The following DIS3 variants were observed in gnomAD, a reference collection of about 807,000 sequenced individuals.
DIS3 encodes DIS3 exosome endoribonuclease and 3'-5' exoribonuclease, also known as exosome complex exonuclease RRP44.
DIS3 carries 103 observed loss-of-function variants against 113.0 expected under a neutral mutation model. The observed-to-expected ratio is 0.91, with a 90% CI of 0.78 to 1.07. The LOEUF (loss-of-function observed/expected upper bound fraction) is 1.07. DIS3 is among the 50% of genes least tolerant of loss of function. The pLI is 0.00. For missense variants in DIS3, 1,121 were observed against 1,167.1 expected, an observed-to-expected ratio of 0.96 and a Z score of 0.58; for synonymous variants, 402 against 394.3, an observed-to-expected ratio of 1.02 and a Z score of -0.23.
chr13:72,780,972 T>C lies in DIS3; in HGVS notation c.260A>G (p.Asn87Ser), dbSNP rs1285987122. 4 of 1,611,888 alleles carry C rather than the reference T, an allele frequency of 2.5e-6. No individual in the cohort carries two copies. The highest frequency in any genetic ancestry group is 3.4e-6 in the Non-Finnish European group (4 of 1,179,544). Residue 87 changes from asparagine to serine, a missense_variant, in exon 2 of 21, where the codon AAT (asparagine) becomes AGT (serine). Asn to Ser is a conservative substitution (Grantham distance 46). Coordinates refer to ENST00000377767, the MANE Select transcript of DIS3 (RefSeq NM_014953.5). ...IDVLEDPAIRNVIVLQTVLQE... is the reference protein window; with the variant it reads ...IDVLEDPAIRSVIVLQTVLQE... Reference sequence around the variant, plus strand: ...AAGAACTGTTTGTAGCACAATTACATTCCTGATGGCAGGGTCCTCAAGAAC... The same window carrying C: ...AAGAACTGTTTGTAGCACAATTACACTCCTGATGGCAGGGTCCTCAAGAAC...
chr13:72,773,892 G>C, intron 7 of DIS3, 54 bp downstream of exon 7: 1 of 1,589,692 alleles, frequency 6.3e-7, no homozygotes, highest in African/African-American at 1.4e-5. Context: ...AAGGCTATAA[G>C]TTCTATTAAA....
chr13:72,772,097 C>T, intron 10 of DIS3, 62 bp downstream of exon 10: 1 of 1,423,776 alleles, frequency 7.0e-7, no homozygotes, highest in Admixed American at 1.9e-5. Context: ...TATTCTAGTT[C>T]AAAAGAAAAT....
rs1258953780 is a variant in DIS3 at position 72,759,156 on chromosome 13, C to CT, written c.*638dup. ...GAGCTGAAGTTCAACAATGATCACACTTATTACCTGGCAATAAAAACACAA... is the reference window on the plus strand; with the variant it reads ...GAGCTGAAGTTCAACAATGATCACACTTTATTACCTGGCAATAAAAACACAA... On this transcript the variant is annotated 3_prime_UTR_variant, in exon 21 of 21. Transcript: ENST00000377767. 1.6e-5 allele frequency: 3 copies of CT among 187,120 alleles called. No homozygotes were observed. 11.6% of individuals were successfully genotyped at this position (187,120 alleles called of 1,614,324 possible).
chr13:72,763,997 A>C (rs1184060985), intron 15 of DIS3, among the ~76,000 whole-genome samples: 2 of 151,994 alleles, frequency 1.3e-5, no homozygotes, highest in Non-Finnish European at 2.9e-5. Context: ...TAAAAATATA[A>C]AAAAATTAGC....
rs200777738 is a variant in DIS3, at chr13:72,770,900, G to A, written c.1755+4C>T. ...AATTAGAGATTAATAGCCATGAAACGAACCTTTGAATTAATAACACTTTTG... is the reference window on the plus strand; with the variant it reads ...AATTAGAGATTAATAGCCATGAAACAAACCTTTGAATTAATAACACTTTTG... On this transcript the variant is annotated splice_donor_region_variant and intron_variant, in intron 13 of 20. Transcript: ENST00000377767. 3.7e-5 allele frequency: 58 copies of A among 1,580,376 alleles called. No homozygotes were observed. Among genetic ancestry groups the A allele is most frequent in the South Asian group, 1.4e-4 (12 of 84,420 alleles).
In DIS3 at chr13:72,763,201, T is replaced by C. The variant is rs80098794; in HGVS notation, c.2127+250A>G. Among the ~76,000 whole-genome samples, 497 of 152,108 alleles carry C rather than the reference T, an allele frequency of 3.3e-3. 2 individuals are homozygous for C. The highest frequency in any genetic ancestry group is 0.011 in the African/African-American group (476 of 41,486). On this transcript the variant is annotated intron_variant, in intron 16 of 20. Transcript: ENST00000377767. ...CTGCAGTCCCAGCTCCTCAGGAGGC[T>C]GAGGCGGGAGGATGGCTTGAGACTG...
chr13:72,763,622 A>C lies in DIS3; in HGVS notation c.1971-15T>G. 6.2e-7 allele frequency: 1 copy of C among 1,600,364 alleles called. No homozygotes were observed. The highest frequency in any genetic ancestry group is 8.5e-7 in the Non-Finnish European group (1 of 1,175,176). On this transcript the variant is annotated splice_polypyrimidine_tract_variant and intron_variant, in intron 15 of 20. Transcript: ENST00000377767. ...AATTTGTTTCCCTGCCAATGGAAAA[A>C]GCATTAAACAAACAAAAAAGAGAAT... is the stretch of plus-strand genomic sequence containing the variant.
chr13:72,768,240 G>T (rs1438432418), intron 14 of DIS3, among the ~76,000 whole-genome samples: 1 of 152,120 alleles, frequency 6.6e-6, no homozygotes, highest in Non-Finnish European at 1.5e-5. Flanking sequence ...GGGTGTTCTT[G>T]CCTTCCTGGA....
intron 7 of DIS3, 29 bp downstream of exon 7, chr13:72,773,917 T>C: frequency 6.3e-7 from 1 of 1,587,728 alleles, no homozygotes; most frequent in South Asian, 1.2e-5. Flanking sequence ...TATCATTTTT[T>C]TATTACATAG....
In DIS3 at chr13:72,755,847, G is replaced by A. The variant is rs372792435; in HGVS notation, c.*3948C>T. 4 of 398,386 alleles carry A rather than the reference G, an allele frequency of 1.0e-5. No homozygotes were observed. Among genetic ancestry groups the A allele is most frequent in the African/African-American group, 8.2e-5 (4 of 48,600 alleles). The allele number at this position is 398,386 out of a possible 1,614,324, so 24.7% of individuals were successfully genotyped here. ...CATCATCACGTGTATTGTTATCTAT[G>A]GGGCAAATGTGTGGTGCCCAGAATA... On this transcript the variant is annotated 3_prime_UTR_variant, in exon 21 of 21. Transcript: ENST00000377767.
In DIS3 at chr13:72,763,611, C is replaced by T. The variant is rs2033680697; in HGVS notation, c.1971-4G>A. The T allele has an allele frequency of 6.2e-7, 1 of 1,605,296 alleles. No homozygotes were observed. The highest frequency in any genetic ancestry group is 1.3e-5 in the African/African-American group (1 of 74,230). Reference sequence around the variant, plus strand: ...TTCAACCATGGAATTTGTTTCCCTGCCAATGGAAAAAGCATTAAACAAACA... The same window carrying T: ...TTCAACCATGGAATTTGTTTCCCTGTCAATGGAAAAAGCATTAAACAAACA... On this transcript the variant is annotated splice_polypyrimidine_tract_variant and splice_region_variant and intron_variant, in intron 15 of 20. Coordinates refer to ENST00000377767, the MANE Select transcript of DIS3 (RefSeq NM_014953.5).
Position 72,763,889 on chromosome 13 carries a change from C to T in DIS3, c.1971-282G>A, listed in dbSNP as rs959389315. On this transcript the variant is annotated intron_variant, in intron 15 of 20. Transcript: ENST00000377767. ...CTCAGCCAGTTGCAGTGGCTCACACCTGTAATCCCAGCACTTTGGGAGGCC... is the reference window on the plus strand; with the variant it reads ...CTCAGCCAGTTGCAGTGGCTCACACTTGTAATCCCAGCACTTTGGGAGGCC... Among the ~76,000 whole-genome samples, 3 of 152,164 alleles carry T rather than the reference C, an allele frequency of 2.0e-5. No homozygotes were observed. In the East Asian group the frequency reaches 5.8e-4, roughly 29 times the overall value.
At position 72,772,271 on chromosome 13, in the gene DIS3, A is replaced by G; in HGVS notation, c.1391T>C (p.Met464Thr). The change falls in exon 10 of 21, where the codon ATG becomes ACG. Residue 464 changes from methionine to threonine, a missense_variant. Met to Thr is a moderately conservative substitution (Grantham distance 81). This residue lies in a region of DIS3 where 861 missense variants were observed against 915.5 expected (regional missense o/e 0.94). Coordinates refer to ENST00000377767, the MANE Select transcript of DIS3 (RefSeq NM_014953.5). ...KMPWSITEKDMKNREDLRHLC... is the reference protein window; with the variant it reads ...KMPWSITEKDTKNREDLRHLC... Reference sequence around the variant, plus strand: ...ATGCCTCAGGTCTTCTCGGTTTTTCATGTCCTAGAAGACATGAAATGATAA... The same window carrying G: ...ATGCCTCAGGTCTTCTCGGTTTTTCGTGTCCTAGAAGACATGAAATGATAA... The G allele has an allele frequency of 6.2e-7, 1 of 1,607,528 alleles. No individual in the cohort carries two copies. The highest frequency in any genetic ancestry group is 8.5e-7 in the Non-Finnish European group (1 of 1,176,520).
In DIS3 at chr13:72,761,366, A is replaced by T; in HGVS notation, c.2667T>A (p.Asp889Glu). The change falls in exon 19 of 21, where the codon GAT becomes GAA. Residue 889 changes from aspartate (D) to glutamate (E), a missense_variant. Asp to Glu is a conservative substitution (Grantham distance 45). Around this residue, in one of 3 missense-constraint regions of DIS3, gnomAD observed 861 missense variants for 915.5 expected, o/e 0.94. Coordinates refer to ENST00000377767, the MANE Select transcript of DIS3 (RefSeq NM_014953.5). ...ACAAACATGAGAAATACCGTACCTCATCATCATAAATAAGCTGTGGGTTTG... is the reference window on the plus strand; with the variant it reads ...ACAAACATGAGAAATACCGTACCTCTTCATCATAAATAAGCTGTGGGTTTG... ...DKPNPQLIYD[D>E]EIPSLKIEDT... 6.3e-7 allele frequency: 1 copy of T among 1,599,344 alleles called. No individual in the cohort carries two copies. The highest frequency in any genetic ancestry group is 8.5e-7 in the Non-Finnish European group (1 of 1,176,746).
At chr13:72,781,557 C>T (rs192988333) in intron 1 of DIS3, 48 bp downstream of exon 1, 12 of 1,477,084 alleles carry the variant, frequency 8.1e-6, no homozygotes, top group African/African-American at 1.4e-5. Flanking sequence ...TGTCATACCC[C>T]CTTGTCCCCG....
intron 5 of DIS3, 130 bp downstream of exon 5, chr13:72,775,792 GAAA>G (rs1245614436): frequency 1.3e-6 from 1 of 781,608 alleles, no homozygotes; most frequent in African/African-American, 1.8e-5. Flanking sequence ...AAAAAAAAAA[GAAA>G]AAAGTTACTA....
chr13:72,762,950 T>G (rs74608977), intron 16 of DIS3, among the ~76,000 whole-genome samples: 3,092 of 152,238 alleles, frequency 0.02, 124 homozygotes, highest in African/African-American at 0.069. Context: ...ATGACCAGGA[T>G]GCTGCATAGA....
intron 13 of DIS3, 98 bp downstream of exon 13, chr13:72,770,806 T>G: frequency 1.6e-6 from 1 of 627,426 alleles, no homozygotes; most frequent in Non-Finnish European, 2.6e-6. Flanking sequence ...TATATGTGTA[T>G]ATATACGTAC....
intron 11 of DIS3, 79 bp downstream of exon 11, chr13:72,771,716 T>C: frequency 7.2e-7 from 1 of 1,393,574 alleles, no homozygotes; most frequent in Admixed American, 2.1e-5. Context: ...ATTCCATGTA[T>C]TTTTCTTAGC....
Sources: gnomAD v4.1 joint callset for allele counts (sites outside exome capture counted in the v4.1 genomes callset) on GRCh38, gnomAD v4.1.1 for gene constraint, gnomAD v4.1.1 regional missense constraint, MANE v1.5 for transcripts, NCBI Gene and HGNC (gene_info 2026-07-23, HGNC 2026-07-21) for gene names.